RIPOR3: variants seen among roughly 807,000 people sequenced by gnomAD.
RIPOR3 encodes the protein RIPOR family member 3.
Under a neutral mutation model 114.3 loss-of-function variants are expected in RIPOR3, and 95 were observed. The ratio of observed to expected loss-of-function variants is 0.83; its 90% CI spans 0.70 to 0.99. The LOEUF (loss-of-function observed/expected upper bound fraction) is 0.99. Among genes scored for constraint, RIPOR3 ranks in the 50% least tolerant of loss-of-function variants. The pLI, the probability that RIPOR3 is intolerant of heterozygous loss-of-function variation, is 0.00. For missense variants in RIPOR3, 1,252 were observed against 1,266.9 expected, an observed-to-expected ratio of 0.99 and a Z score of 0.18; for synonymous variants, 575 against 543.8, an observed-to-expected ratio of 1.06 and a Z score of -0.80.
chr20:50,688,397 C>T (rs1231665596), intron 1 of RIPOR3, among the ~76,000 whole-genome samples: 1 of 152,202 alleles, frequency 6.6e-6, no homozygotes, highest in African/African-American at 2.4e-5. Context: ...TCAAATGATC[C>T]TCCTGTCTCA....
chr20:50,609,010 G>T (rs1251561202), intron 8 of RIPOR3, 55 bp from the exon 9 acceptor site: 5 of 1,552,130 alleles, frequency 3.2e-6, no homozygotes, highest in Non-Finnish European at 4.4e-6. Context: ...CCTGACCTGG[G>T]ACCACAGGTC....
At chr20:50,652,525 AG>A (rs2085645718) in intron 1 of RIPOR3, among the ~76,000 whole-genome samples, 1 of 131,160 alleles carries the variant, frequency 7.6e-6, no homozygotes, top group Non-Finnish European at 1.6e-5. Context: ...TGGGAGGTGG[AG>A]GTTGCAGTGA....
At chr20:50,649,499 C>T (rs1359517198) in intron 1 of RIPOR3, among the ~76,000 whole-genome samples, 1 of 152,112 alleles carries the variant, frequency 6.6e-6, no homozygotes, top group African/African-American at 2.4e-5. Context: ...AGAGGTGGGA[C>T]AATGGTGACA....
At chr20:50,622,542 G>A (rs758409860) in intron 2 of RIPOR3, among the ~76,000 whole-genome samples, 4 of 152,052 alleles carry the variant, frequency 2.6e-5, no homozygotes, top group Non-Finnish European at 5.9e-5. Flanking sequence ...TCTTCCCAGG[G>A]GCGGGAATAA....
Position 50,596,135 on chromosome 20 carries a change from G to C in RIPOR3, c.1914+5C>G. 1 of 1,614,118 alleles carries C rather than the reference G, an allele frequency of 6.2e-7. No homozygotes were observed. Among genetic ancestry groups the C allele is most frequent in the East Asian group, 2.2e-5 (1 of 44,886 alleles). On this transcript the variant is annotated splice_donor_5th_base_variant and intron_variant, in intron 15 of 21. Transcript: ENST00000327979. ...CCTCCCTGACAAGTCCCCTAGCCCA[G>C]CCACCTGCAGCAGAGCTTTGCAGAC...
chr20:50,615,953 C>T, intron 4 of RIPOR3, 49 bp downstream of exon 4: 11 of 1,548,118 alleles, frequency 7.1e-6, no homozygotes, highest in Non-Finnish European at 9.7e-6. Context: ...TCATCTTTTA[C>T]TCCTGGCCAA....
intron 2 of RIPOR3, among the ~76,000 whole-genome samples, chr20:50,624,365 C>G (rs762464458): frequency 3.9e-5 from 6 of 152,176 alleles, no homozygotes; most frequent in Non-Finnish European, 7.3e-5. Context: ...GGGGCAGGAG[C>G]TCGCTCACTC....
At chr20:50,613,602 A>T (rs2084050739) in intron 4 of RIPOR3, among the ~76,000 whole-genome samples, 1 of 152,222 alleles carries the variant, frequency 6.6e-6, no homozygotes, top group Admixed American at 6.5e-5. Context: ...AGGACTCGAC[A>T]TGGGCATCTT....
At chr20:50,621,813 A>C (rs1271523110) in intron 2 of RIPOR3, among the ~76,000 whole-genome samples, 1 of 152,162 alleles carries the variant, frequency 6.6e-6, no homozygotes, top group Non-Finnish European at 1.5e-5. Context: ...TTTTTAGCTT[A>C]AGCCAGCTGG....
chr20:50,608,501 C>CCCCGCG lies in RIPOR3; in HGVS notation c.843_844insCGCGGG (p.Ala281_Val282insArgGly). On this transcript the variant is annotated inframe_insertion, in exon 11 of 22. Coordinates refer to ENST00000327979, the MANE Select transcript of RIPOR3 (RefSeq NM_001290268.2). ...GCGATGTCACACGTCACTGCACCCA[C>CCCCGCG]AGCCAGCGAGCCCAGGCCCCGCAAC... The CCCCGCG allele has an allele frequency of 6.2e-7, 1 of 1,613,944 alleles. No individual in the cohort carries two copies. Among genetic ancestry groups the CCCCGCG allele is most frequent in the South Asian group, 1.1e-5 (1 of 91,084 alleles).
intron 11 of RIPOR3, among the ~76,000 whole-genome samples, chr20:50,605,677 C>T (rs1419626946): frequency 6.6e-6 from 1 of 151,282 alleles, no homozygotes; most frequent in Non-Finnish European, 1.5e-5. Context: ...ACTCAGGAGG[C>T]AGAGGTGGAA....
At chr20:50,616,206 A>G in intron 3 of RIPOR3, 126 bp from the exon 4 acceptor site, 2 of 870,670 alleles carry the variant, frequency 2.3e-6, no homozygotes, top group South Asian at 1.6e-5. Flanking sequence ...AGAGGCAGGT[A>G]GGAAGCCAGG....
intron 2 of RIPOR3, among the ~76,000 whole-genome samples, chr20:50,627,782 G>A (rs544528464): frequency 6.6e-6 from 1 of 152,344 alleles, no homozygotes; most frequent in African/African-American, 2.4e-5. Flanking sequence ...TACAACCTGG[G>A]CGACAGAATG....
chr20:50,616,863 C>A (rs1322672682), intron 3 of RIPOR3, among the ~76,000 whole-genome samples: 1 of 152,186 alleles, frequency 6.6e-6, no homozygotes, highest in Non-Finnish European at 1.5e-5. Context: ...AGGGTCTAGG[C>A]CGGGCGCCGT....
chr20:50,590,798 A>G (rs570391997), intron 19 of RIPOR3, among the ~76,000 whole-genome samples: 149 of 147,574 alleles, frequency 1.0e-3, no homozygotes, highest in African/African-American at 3.6e-3. Flanking sequence ...AAAGTCTGTC[A>G]CATGAAGATG....
At chr20:50,647,478 CT>C (rs942940961) in intron 1 of RIPOR3, among the ~76,000 whole-genome samples, 208 of 100,352 alleles carry the variant, frequency 2.1e-3, no homozygotes, top group African/African-American at 4.1e-3. Context: ...GCCTCATTCT[CT>C]TTTTTTTTTT....
intron 1 of RIPOR3, among the ~76,000 whole-genome samples, chr20:50,635,363 C>T (rs1049234433): frequency 9.9e-5 from 15 of 152,074 alleles, no homozygotes; most frequent in African/African-American, 2.2e-4. Context: ...ATAAGGAAAC[C>T]GAGGCTCATG....
At chr20:50,589,636 CCACA>C (rs780839566) in intron 20 of RIPOR3, 46 bp downstream of exon 20, 22 of 1,585,650 alleles carry the variant, frequency 1.4e-5, no homozygotes, top group Non-Finnish European at 1.9e-5. Flanking sequence ...TTAACCCTAA[CCACA>C]AGCAGGCTTT....
intron 1 of RIPOR3, among the ~76,000 whole-genome samples, chr20:50,663,337 G>A (rs2086066812): frequency 6.6e-6 from 1 of 152,124 alleles, no homozygotes; most frequent in African/African-American, 2.4e-5. Flanking sequence ...ATTGTCAGGT[G>A]GCTCACATAC....
Sources: allele counts gnomAD v4.1 joint callset (sites outside exome capture counted in the v4.1 genomes callset), GRCh38; gene constraint gnomAD v4.1.1; transcripts MANE v1.5; gene names NCBI Gene and HGNC (gene_info 2026-07-23, HGNC 2026-07-21).